RBM22: variants seen among roughly 807,000 people sequenced by gnomAD.
RBM22 encodes the protein pre-mRNA-splicing factor RBM22.
A neutral mutation model predicts 50.1 loss-of-function variants in RBM22; 1 was observed. That is an observed-to-expected ratio of 0.02 (90% CI 0.01 to 0.09). The LOEUF (loss-of-function observed/expected upper bound fraction) is 0.09, where lower values mean the gene tolerates loss of function less well. Among genes scored for constraint, RBM22 ranks in the 10% least tolerant of loss-of-function variants. The pLI is 1.00. For missense variants in RBM22, 264 were observed against 529.3 expected (o/e 0.50, Z 4.92); for synonymous variants, 152 against 179.0 (o/e 0.85, Z 1.20).
Position 150,701,048 on chromosome 5 carries a change from T to C in RBM22, c.-63A>G. 14 of 1,607,328 alleles carry C rather than the reference T, an allele frequency of 8.7e-6. No individual in the cohort carries two copies. The highest frequency in any genetic ancestry group is 1.2e-5 in the Non-Finnish European group (14 of 1,174,030). The stretch of plus-strand genomic sequence containing the variant: ...GGGAGAGAGGACCGCCACAATCCCG[T>C]CAAGCCCCGAGGCTAGCGCCGCGCC... On this transcript the variant is annotated 5_prime_UTR_variant, in exon 1 of 11. Transcript: ENST00000199814.
At position 150,700,044 on chromosome 5, in the gene RBM22, G is replaced by T. The variant is rs74368705; in HGVS notation, c.108+400C>A. ...TACTTTAAAGAGATAAAGTACACTGGCCAAAAGGCATTTGACCAGGATTCA... is the reference window on the plus strand; with the variant it reads ...TACTTTAAAGAGATAAAGTACACTGTCCAAAAGGCATTTGACCAGGATTCA... On this transcript the variant is annotated intron_variant, in intron 2 of 10. Coordinates refer to ENST00000199814, the MANE Select transcript of RBM22 (RefSeq NM_018047.3). Among the ~76,000 whole-genome samples, 788 of 152,254 alleles carry T rather than the reference G, an allele frequency of 5.2e-3. 6 individuals are homozygous for T. Among genetic ancestry groups the T allele is most frequent in the African/African-American group, 0.019 (769 of 41,548 alleles).
intron 2 of RBM22, 99 bp downstream of exon 2, chr5:150,700,345 C>A (rs1478366929): frequency 8.3e-7 from 1 of 1,207,606 alleles, no homozygotes; most frequent in Non-Finnish European, 1.2e-6. Context: ...AGTAAAAGAG[C>A]ATCATTTTTT....
rs747176269 is a variant in RBM22 at position 150,701,021 on chromosome 5, T to C, written c.-36A>G. On this transcript the variant is annotated 5_prime_UTR_variant, in exon 1 of 11. Transcript: ENST00000199814. ...TCCGGAGGTAGCTGTAGCTTCCGAA[T>C]TGGGAGAGAGGACCGCCACAATCCC... 40 of 1,612,738 alleles carry C rather than the reference T, an allele frequency of 2.5e-5. No individual in the cohort carries two copies. Among genetic ancestry groups the C allele is most frequent in the South Asian group, 8.8e-5 (8 of 91,084 alleles).
In RBM22 at chr5:150,696,617, G is replaced by A. The variant is rs1278875262; in HGVS notation, c.461C>T (p.Thr154Ile). The part of the protein sequence containing the change: ...SDMLLKLART[T>I]PYYKRNRPHI... ...GGGTCGATTCCTTTTGTAGTAGGGT[G>A]TGGTCCGGGCCAGTTTGAGCAGCAT... The change falls in exon 6 of 11, where the codon ACA (threonine) becomes ATA (isoleucine). Residue 154 changes from threonine (T) to isoleucine (I), a missense_variant. Coordinates refer to ENST00000199814, the MANE Select transcript of RBM22 (RefSeq NM_018047.3). The surrounding 1 kb of genome is among the most constrained non-coding windows in gnomAD (Gnocchi z 4.3). 2 of 1,614,074 alleles carry A rather than the reference G, an allele frequency of 1.2e-6. No homozygotes were observed. The highest frequency in any genetic ancestry group is 1.7e-6 in the Non-Finnish European group (2 of 1,180,034).
chr5:150,692,781 A>G (rs1759224932), intron 10 of RBM22, 114 bp downstream of exon 10: 8 of 1,182,922 alleles, frequency 6.8e-6, no homozygotes, highest in Non-Finnish European at 9.4e-6. Flanking sequence ...CTTTACTGGT[A>G]GACTTCTACA....
chr5:150,698,027 C>T (rs567069966), intron 4 of RBM22, among the ~76,000 whole-genome samples: 12 of 152,218 alleles, frequency 7.9e-5, no homozygotes, highest in Admixed American at 2.6e-4. Context: ...GAGGCAGAGG[C>T]AAGAGGATCC....
rs748599749 is a variant in RBM22 at position 150,700,792 on chromosome 5, C to T, written c.54+140G>A. 23 of 1,575,938 alleles carry T rather than the reference C, an allele frequency of 1.5e-5. 1 individual carries two copies. The South Asian group carries it at 2.5e-4, about 17-fold the overall frequency. On this transcript the variant is annotated intron_variant, in intron 1 of 10. Transcript: ENST00000199814. ...GCCCGCAGGAGGATCGCCCTCCGCC[C>T]TCCTGCTCCGGCCAAGCTAGGCCGC...
In RBM22 at chr5:150,696,927, A is replaced by T; in HGVS notation, c.272-36T>A. The T allele has an allele frequency of 6.4e-7, 1 of 1,574,290 alleles. No homozygotes were observed. Among genetic ancestry groups the T allele is most frequent in the Non-Finnish European group, 8.7e-7 (1 of 1,144,380 alleles). On this transcript the variant is annotated intron_variant, in intron 4 of 10. Transcript: ENST00000199814. The surrounding 1 kb of genome is among the most constrained non-coding windows in gnomAD (Gnocchi z 4.3). ...AAAAGAGGAAAAAGACCTCAGATGTATTTTAAAACATATCCATACTAACCA... is the reference window on the plus strand; with the variant it reads ...AAAAGAGGAAAAAGACCTCAGATGTTTTTTAAAACATATCCATACTAACCA...
rs757692363 is a variant in RBM22, at chr5:150,691,234, G to A, written c.*517C>T. 6.6e-6 allele frequency: 1 copy of A among 152,350 alleles called. No individual in the cohort carries two copies. Among genetic ancestry groups the A allele is most frequent in the Non-Finnish European group, 1.5e-5 (1 of 68,070 alleles). The allele number at this position is 152,350 out of a possible 1,614,324, so 9.4% of individuals were successfully genotyped here. A position where few individuals can be genotyped will look rare whatever the true frequency, so the allele number is the denominator to read the frequency against. On this transcript the variant is annotated 3_prime_UTR_variant, in exon 11 of 11. Coordinates refer to ENST00000199814, the MANE Select transcript of RBM22 (RefSeq NM_018047.3). ...AGAGGAAAGAGAAGATCTGGGCTGT[G>A]CTGGTGCTGGTTTCTACTCATCTTT...
Position 150,695,786 on chromosome 5 carries a change from T to G in RBM22, c.546-80A>C, listed in dbSNP as rs554287425. 4.8e-5 allele frequency: 58 copies of G among 1,201,300 alleles called. No individual in the cohort carries two copies. The African/African-American group carries it at 7.2e-4, about 15-fold the overall frequency. The allele number at this position is 1,201,300 out of a possible 1,614,324, so 74.4% of individuals were successfully genotyped here. A position where few individuals can be genotyped will look rare whatever the true frequency, so the allele number is the denominator to read the frequency against. ...TTATCTTCCAAGAGTAGCTACATAT[T>G]AAAGTCCTAGATACATATTCTGAAG... On this transcript the variant is annotated intron_variant, in intron 6 of 10. Transcript: ENST00000199814.
chr5:150,697,857 A>C (rs1022402596), intron 4 of RBM22: 1 of 213,000 alleles, frequency 4.7e-6, no homozygotes, highest in Non-Finnish European at 9.7e-6. Flanking sequence ...TATCAGTTCT[A>C]ACAACACAAT....
At chr5:150,692,230 A>G (rs1292936280) in intron 10 of RBM22, among the ~76,000 whole-genome samples, 1 of 152,106 alleles carries the variant, frequency 6.6e-6, no homozygotes, top group Non-Finnish European at 1.5e-5. Context: ...ATTAACCTCA[A>G]TGCTTGACAC....
At chr5:150,699,831 C>T (rs1158856167) in intron 2 of RBM22, among the ~76,000 whole-genome samples, 4 of 152,198 alleles carry the variant, frequency 2.6e-5, no homozygotes, top group African/African-American at 9.7e-5. Context: ...TAGACTTGTC[C>T]TGTGCCAATG....
At chr5:150,698,036 C>T (rs1759299622) in intron 4 of RBM22, among the ~76,000 whole-genome samples, 1 of 152,076 alleles carries the variant, frequency 6.6e-6, no homozygotes, top group Admixed American at 6.6e-5. Context: ...GCAAGAGGAT[C>T]CCTTGAGCCC....
At chr5:150,694,024 A>C (rs915342062) in intron 8 of RBM22, 52 bp downstream of exon 8, 7 of 1,583,402 alleles carry the variant, frequency 4.4e-6, no homozygotes, top group South Asian at 1.1e-5. Context: ...AAAATGAAAT[A>C]GTTTCTTAAA....
rs1371607094 is a variant in RBM22, at chr5:150,696,099, G to C, written c.546-393C>G. Among the ~76,000 whole-genome samples the C allele has an allele frequency of 6.6e-6, 1 of 151,080 alleles. No individual in the cohort carries two copies. The highest frequency in any genetic ancestry group is 1.9e-4 in the East Asian group (1 of 5,136). On this transcript the variant is annotated intron_variant, in intron 6 of 10. Transcript: ENST00000199814. This position sits in a 1 kb window ranked among gnomAD's most constrained non-coding sequence, Gnocchi z 4.3. Reference sequence around the variant, plus strand: ...GATTAAAGCTATGAACCTCGCCCCAGAGAAAGCACATACATTATTTTTTAG... The same window carrying C: ...GATTAAAGCTATGAACCTCGCCCCACAGAAAGCACATACATTATTTTTTAG...
At chr5:150,695,072 G>T (rs1270776173) in intron 7 of RBM22, among the ~76,000 whole-genome samples, 1 of 152,176 alleles carries the variant, frequency 6.6e-6, no homozygotes, top group East Asian at 1.9e-4. Flanking sequence ...TGTTGCTTAG[G>T]CTGGAGTGCA....
At chr5:150,693,974 T>G in intron 8 of RBM22, 102 bp downstream of exon 8, 1 of 1,389,246 alleles carries the variant, frequency 7.2e-7, no homozygotes, top group Non-Finnish European at 9.8e-7. Context: ...AAAGATCCTG[T>G]TCATTTAAGC....
At position 150,696,376 on chromosome 5, in the gene RBM22, A is replaced by G. The variant is rs1000990844; in HGVS notation, c.545+157T>C. On this transcript the variant is annotated intron_variant, in intron 6 of 10. Coordinates refer to ENST00000199814, the MANE Select transcript of RBM22 (RefSeq NM_018047.3). The surrounding 1 kb of genome is among the most constrained non-coding windows in gnomAD (Gnocchi z 4.3). ...TGTAAGTAAAAACTACAATTTATTCATGCTCTTCTAAATTTCATAGTTCTA... is the reference window on the plus strand; with the variant it reads ...TGTAAGTAAAAACTACAATTTATTCGTGCTCTTCTAAATTTCATAGTTCTA... Among the ~76,000 whole-genome samples, 39 of 152,322 alleles carry G rather than the reference A, an allele frequency of 2.6e-4. No homozygotes were observed. The highest frequency in any genetic ancestry group is 9.4e-4 in the African/African-American group (39 of 41,582).
Sources: allele counts gnomAD v4.1 joint callset (sites outside exome capture counted in the v4.1 genomes callset), GRCh38; gene constraint gnomAD v4.1.1; non-coding constraint Gnocchi (gnomAD v3.1); transcripts MANE v1.5; gene names NCBI Gene and HGNC (gene_info 2026-07-23, HGNC 2026-07-21).